The following SNX22 variants were observed in gnomAD, a reference collection of about 807,000 sequenced individuals.
SNX22 encodes the protein sorting nexin 22.
A neutral mutation model predicts 24.7 loss-of-function variants in SNX22; 23 were observed. The observed-to-expected ratio is 0.93, with a 90% CI of 0.67 to 1.32. The LOEUF is 1.32. Among genes scored for constraint, SNX22 ranks in the 40% most tolerant of loss-of-function variants. The pLI, the probability that SNX22 is intolerant of heterozygous loss-of-function variation, is 0.00. For missense variants in SNX22, 261 were observed against 249.9 expected (o/e 1.04, Z -0.30); for synonymous variants, 99 against 104.0 (o/e 0.95, Z 0.29).
chr15:64,152,211 C>G (rs1385345982), intron 1 of SNX22, 32 bp from the exon 2 acceptor site: 1 of 1,380,692 alleles, frequency 7.2e-7, no homozygotes, highest in Non-Finnish European at 9.3e-7. Flanking sequence ...CGGGGCCTCA[C>G]GCGCAGACCC....
intron 5 of SNX22, 37 bp downstream of exon 5, chr15:64,153,721 G>T (rs751311899): frequency 1.2e-6 from 2 of 1,613,844 alleles, no homozygotes; most frequent in Non-Finnish European, 1.7e-6. Context: ...GGCCCCTGCT[G>T]CCCCCTAGTG....
At position 64,153,245 on chromosome 15, in the gene SNX22, G is replaced by A. The variant is rs200706215; in HGVS notation, c.265G>A (p.Gly89Ser). The part of the protein sequence containing the change: ...RRQGLEAYIQ[G>S]ILYLNQEVPK... ...TGCAGGTCTCCTCTGTCCTCTCCAG[G>A]GCATCCTGTACCTGAACCAGGAGGT... The change falls in exon 4 of 7, where the codon GGC (glycine) becomes AGC (serine). Residue 89 changes from glycine (G) to serine (S), a missense_variant and splice_region_variant. Coordinates refer to ENST00000325881, the MANE Select transcript of SNX22 (RefSeq NM_024798.3). 9.9e-6 allele frequency: 16 copies of A among 1,614,032 alleles called. No individual in the cohort carries two copies. Among genetic ancestry groups the A allele is most frequent in the Non-Finnish European group, 3.4e-6 (4 of 1,180,030 alleles).
intron 3 of SNX22, 174 bp from the exon 4 acceptor site, chr15:64,153,071 A>C: frequency 1.3e-6 from 1 of 745,940 alleles, no homozygotes; most frequent in East Asian, 2.7e-5. Context: ...GTCATGGGGT[A>C]CAACCTGTGC....
At position 64,157,202 on chromosome 15, in the gene SNX22, T is replaced by A. The variant is rs1421675641; in HGVS notation, c.*2694T>A. The A allele has an allele frequency of 2.2e-6, 1 of 457,316 alleles. No individual in the cohort carries two copies. Among genetic ancestry groups the A allele is most frequent in the East Asian group, 4.2e-5 (1 of 23,886 alleles). 28.3% of individuals were successfully genotyped at this position (457,316 alleles called of 1,614,324 possible). On this transcript the variant is annotated 3_prime_UTR_variant, in exon 7 of 7. Coordinates refer to ENST00000325881, the MANE Select transcript of SNX22 (RefSeq NM_024798.3). This position sits in a 1 kb window ranked among gnomAD's most constrained non-coding sequence, Gnocchi z 4.2. ...TAAGGCGCATGTTATCAGCTCCCCT[T>A]AGCTATGGCCCAGGCCTGCCACGGA...
Position 64,155,750 on chromosome 15 carries a change from G to T in SNX22, c.*1242G>T. On this transcript the variant is annotated 3_prime_UTR_variant, in exon 7 of 7. Coordinates refer to ENST00000325881, the MANE Select transcript of SNX22 (RefSeq NM_024798.3). ...AGGCACCCATTGCCACAGGAGAGTTGCAGGCATGTTGGGATGTAGGCCTAG... is the reference window on the plus strand; with the variant it reads ...AGGCACCCATTGCCACAGGAGAGTTTCAGGCATGTTGGGATGTAGGCCTAG... The T allele has an allele frequency of 2.3e-6, 1 of 427,938 alleles. No individual in the cohort carries two copies. Among genetic ancestry groups the T allele is most frequent in the South Asian group, 2.2e-5 (1 of 45,612 alleles). The allele number at this position is 427,938 out of a possible 1,614,324, so 26.5% of individuals were successfully genotyped here. A position where few individuals can be genotyped will look rare whatever the true frequency, so the allele number is the denominator to read the frequency against.
intron 1 of SNX22, 110 bp from the exon 2 acceptor site, chr15:64,152,133 C>T (rs938447814): frequency 5.8e-5 from 66 of 1,130,208 alleles, no homozygotes; most frequent in Non-Finnish European, 7.7e-5. Flanking sequence ...CGCCGCAAGG[C>T]CGCTTTGTGC....
rs1458623805 is a variant in SNX22, at chr15:64,156,461, G to A, written c.*1953G>A. On this transcript the variant is annotated 3_prime_UTR_variant, in exon 7 of 7. Transcript: ENST00000325881. This position sits in a 1 kb window ranked among gnomAD's most constrained non-coding sequence, Gnocchi z 6.4. ...GCTGCACTCTGTATACCTCAGGGGT[G>A]GGACCAGCACGTCACTGAGTGAAGG... 4.9e-6 allele frequency: 3 copies of A among 618,112 alleles called. No homozygotes were observed. Among genetic ancestry groups the A allele is most frequent in the East Asian group, 2.8e-5 (1 of 35,886 alleles). The allele number at this position is 618,112 out of a possible 1,614,324, so 38.3% of individuals were successfully genotyped here.
intron 3 of SNX22, 103 bp from the exon 4 acceptor site, chr15:64,153,142 G>C: frequency 2.8e-6 from 4 of 1,426,270 alleles, no homozygotes; most frequent in Non-Finnish European, 3.9e-6. Flanking sequence ...TGTCATTGTC[G>C]TGAAATTCTT....
In SNX22 at chr15:64,154,906, G is replaced by A. The variant is rs2081515871; in HGVS notation, c.*398G>A. Reference sequence around the variant, plus strand: ...TACAAAATTAGCCGGGCATTGTGGTGGTGCATGCCTGTAATCCCAGCTACT... The same window carrying A: ...TACAAAATTAGCCGGGCATTGTGGTAGTGCATGCCTGTAATCCCAGCTACT... On this transcript the variant is annotated 3_prime_UTR_variant, in exon 7 of 7. Transcript: ENST00000325881. 1 of 154,740 alleles carries A rather than the reference G, an allele frequency of 6.5e-6. No homozygotes were observed. Among genetic ancestry groups the A allele is most frequent in the Non-Finnish European group, 1.4e-5 (1 of 70,216 alleles). 9.6% of individuals were successfully genotyped at this position (154,740 alleles called of 1,614,324 possible). A position where few individuals can be genotyped will look rare whatever the true frequency, so the allele number is the denominator to read the frequency against.
chr15:64,154,006 A>C lies in SNX22; in HGVS notation c.460+4A>C. On this transcript the variant is annotated splice_donor_region_variant and intron_variant, in intron 6 of 6. Coordinates refer to ENST00000325881, the MANE Select transcript of SNX22 (RefSeq NM_024798.3). ...TATGTTTGCAACCCCTCCCCAGGTG[A>C]GGAGGTGCCTAGATATGGGGCTACA... 1 of 1,613,948 alleles carries C rather than the reference A, an allele frequency of 6.2e-7. No homozygotes were observed. The highest frequency in any genetic ancestry group is 8.5e-7 in the Non-Finnish European group (1 of 1,179,894).
Position 64,152,298 on chromosome 15 carries a change from A to G in SNX22, c.131A>G (p.Tyr44Cys), listed in dbSNP as rs1436979356. The G allele has an allele frequency of 1.3e-6, 2 of 1,511,608 alleles. No individual in the cohort carries two copies. Among genetic ancestry groups the G allele is most frequent in the Non-Finnish European group, 1.8e-6 (2 of 1,137,850 alleles). 93.6% of individuals were successfully genotyped at this position (1,511,608 alleles called of 1,614,324 possible). ...CGCAGACACACGGTGCCAAGGCGCT[A>G]CAGCGAGTTCCACGCGCTGCACAAG... ...SGRRHTVPRRYSEFHALHKRI... is the reference protein window; with the variant it reads ...SGRRHTVPRRCSEFHALHKRI... The change falls in exon 2 of 7, where the codon TAC becomes TGC. Residue 44 changes from tyrosine (Y) to cysteine (C), a missense_variant. Physicochemically the swap from Tyr to Cys is radical, Grantham distance 194 (BLOSUM62 -2). Transcript: ENST00000325881.
At chr15:64,153,182 C>G in intron 3 of SNX22, 63 bp from the exon 4 acceptor site, 1 of 1,579,456 alleles carries the variant, frequency 6.3e-7, no homozygotes, top group Non-Finnish European at 8.7e-7. Flanking sequence ...TGCATTTTCA[C>G]TGGCACTGCG....
chr15:64,153,665 T>A lies in SNX22; in HGVS notation c.373T>A (p.Phe125Ile). ...TCTTCTCTTCAGCACCCTGAGGGAG[T>A]TCCTGCCTGGCGACAGCAGGCAAGT... is the stretch of plus-strand genomic sequence containing the variant. ...KASNWGTLRE[F>I]LPGDSSSQQH... The change falls in exon 5 of 7, where the codon TTC becomes ATC. Residue 125 changes from phenylalanine to isoleucine, a missense_variant. Coordinates refer to ENST00000325881, the MANE Select transcript of SNX22 (RefSeq NM_024798.3). 5.0e-6 allele frequency: 8 copies of A among 1,613,932 alleles called. No individual in the cohort carries two copies. Among genetic ancestry groups the A allele is most frequent in the Non-Finnish European group, 6.8e-6 (8 of 1,179,980 alleles).
chr15:64,153,345 G>A lies in SNX22; in HGVS notation c.359+6G>A. 1.2e-6 allele frequency: 2 copies of A among 1,613,216 alleles called. No individual in the cohort carries two copies. Among genetic ancestry groups the A allele is most frequent in the Non-Finnish European group, 1.7e-6 (2 of 1,179,442 alleles). ...CCCAAGGCTAGCAACTGGGGGTAAG[G>A]GGGGCCGATGGCGGGGGCCAGGGGC... is the stretch of plus-strand genomic sequence containing the variant. On this transcript the variant is annotated splice_donor_region_variant and intron_variant, in intron 4 of 6. Coordinates refer to ENST00000325881, the MANE Select transcript of SNX22 (RefSeq NM_024798.3).
At chr15:64,152,419 CG>C in intron 2 of SNX22, 93 bp downstream of exon 2, 1 of 1,353,228 alleles carries the variant, frequency 7.4e-7, no homozygotes, top group Non-Finnish European at 1.0e-6. Context: ...CCCCAGCCTC[CG>C]CCACCCCCAT....
Position 64,151,902 on chromosome 15 carries a change from C to T in SNX22, c.75+52C>T, listed in dbSNP as rs765308726. On this transcript the variant is annotated intron_variant, in intron 1 of 6. Coordinates refer to ENST00000325881, the MANE Select transcript of SNX22 (RefSeq NM_024798.3). ...GGCGCCGGGACCCGCAGGATTTCCCCGCGCTGCGCTCAGTGGGGACCCGGG... is the reference window on the plus strand; with the variant it reads ...GGCGCCGGGACCCGCAGGATTTCCCTGCGCTGCGCTCAGTGGGGACCCGGG... 9.6e-5 allele frequency: 143 copies of T among 1,487,254 alleles called. 1 individual carries two copies. The highest frequency in any genetic ancestry group is 1.2e-4 in the Non-Finnish European group (128 of 1,112,992). The allele number at this position is 1,487,254 out of a possible 1,614,324, so 92.1% of individuals were successfully genotyped here.
intron 5 of SNX22, 122 bp downstream of exon 5, chr15:64,153,806 C>T: frequency 6.3e-7 from 1 of 1,586,882 alleles, no homozygotes; most frequent in Non-Finnish European, 8.6e-7. Context: ...CCCTTTGGTG[C>T]CTCCTGAGCC....
chr15:64,156,687 AG>A lies in SNX22; in HGVS notation c.*2181del, dbSNP rs1230165576. On this transcript the variant is annotated 3_prime_UTR_variant, in exon 7 of 7. Transcript: ENST00000325881. This position sits in a 1 kb window ranked among gnomAD's most constrained non-coding sequence, Gnocchi z 6.4. Reference sequence around the variant, plus strand: ...TGGGGTCTGTGTTGAATCCCCGGTGAGGATTGCCCAGTAGTAGCCCTTGCTT... The same window carrying A: ...TGGGGTCTGTGTTGAATCCCCGGTGAGATTGCCCAGTAGTAGCCCTTGCTT... 4 of 1,610,648 alleles carry A rather than the reference AG, an allele frequency of 2.5e-6. No individual in the cohort carries two copies. In the African/African-American group the frequency reaches 5.3e-5, roughly 22 times the overall value.
rs1022515999 is a variant in SNX22, at chr15:64,156,389, G to A, written c.*1881G>A. 3 of 639,446 alleles carry A rather than the reference G, an allele frequency of 4.7e-6. No homozygotes were observed. Among genetic ancestry groups the A allele is most frequent in the South Asian group, 3.7e-5 (2 of 54,608 alleles). The allele number at this position is 639,446 out of a possible 1,614,324, so 39.6% of individuals were successfully genotyped here. ...CAGGTTGGGCCAAGGGTGAGGAGGA[G>A]GAAGAGGGTGACCAGGGCATGTGGC... On this transcript the variant is annotated 3_prime_UTR_variant, in exon 7 of 7. Transcript: ENST00000325881. This position sits in a 1 kb window ranked among gnomAD's most constrained non-coding sequence, Gnocchi z 6.4.
Sources: gnomAD v4.1 joint callset for allele counts on GRCh38, gnomAD v4.1.1 for gene constraint, Gnocchi (gnomAD v3.1) non-coding constraint, MANE v1.5 for transcripts, NCBI Gene and HGNC (gene_info 2026-07-23, HGNC 2026-07-21) for gene names.